The following DDX6 variants were observed in gnomAD, a reference collection of about 807,000 sequenced individuals.
The protein encoded by DDX6 is probable ATP-dependent RNA helicase DDX6.
A neutral mutation model predicts 60.6 loss-of-function variants in DDX6; 7 were observed. That is an observed-to-expected ratio of 0.12 (90% CI 0.07 to 0.22). DDX6 has a LOEUF of 0.22. Among genes scored for constraint, DDX6 ranks in the 10% least tolerant of loss-of-function variants. The pLI is 1.00. For missense variants in DDX6, 270 were observed against 589.9 expected (o/e 0.46, Z 5.62); for synonymous variants, 207 against 201.0 (o/e 1.03, Z -0.25).
At chr11:118,765,041 T>C (rs1169051125) in intron 6 of DDX6, among the ~76,000 whole-genome samples, 168 bp downstream of exon 6, 1 of 152,186 alleles carries the variant, frequency 6.6e-6, no homozygotes, top group African/African-American at 2.4e-5. Context: ...CAAATATCGT[T>C]TTCAATTATG....
chr11:118,771,553 G>T (rs1235005514), intron 4 of DDX6, among the ~76,000 whole-genome samples: 1 of 152,186 alleles, frequency 6.6e-6, no homozygotes, highest in Non-Finnish European at 1.5e-5. Context: ...AAAAGCAAGA[G>T]AATTCAAGTC....
chr11:118,761,861 G>GAA (rs11296874), intron 7 of DDX6, among the ~76,000 whole-genome samples: 26,487 of 133,670 alleles, frequency 0.2, 2,672 homozygotes, highest in South Asian at 0.31. Context: ...AAATTAAATG[G>GAA]AAAAAAAAAA....
chr11:118,773,260 C>T (rs1861594142), intron 4 of DDX6, among the ~76,000 whole-genome samples: 1 of 152,032 alleles, frequency 6.6e-6, no homozygotes, highest in African/African-American at 2.4e-5. Flanking sequence ...CCTTAATTTC[C>T]AAGAGGGAAA....
chr11:118,761,598 C>T (rs1555160162), intron 7 of DDX6, among the ~76,000 whole-genome samples: 3 of 150,908 alleles, frequency 2.0e-5, no homozygotes, highest in Non-Finnish European at 4.4e-5. Flanking sequence ...AGCGGGGCAA[C>T]GAGACTCTGT....
rs1227619414 is a variant in DDX6, at chr11:118,786,315, A to G, written c.-64T>C. 20 of 1,403,838 alleles carry G rather than the reference A, an allele frequency of 1.4e-5. No homozygotes were observed. The highest frequency in any genetic ancestry group is 6.9e-5 in the East Asian group (3 of 43,418). 87.0% of individuals were successfully genotyped at this position (1,403,838 alleles called of 1,614,324 possible). ...TTTGAAAGTCAGTAGAGAAACTGTA[A>G]TAACAGTTTATTAGGCTCTCCAAAA... On this transcript the variant is annotated 5_prime_UTR_variant, in exon 2 of 14. Coordinates refer to ENST00000534980, the MANE Select transcript of DDX6 (RefSeq NM_004397.6).
At chr11:118,771,623 A>G (rs1400123315) in intron 4 of DDX6, among the ~76,000 whole-genome samples, 3 of 152,236 alleles carry the variant, frequency 2.0e-5, no homozygotes, top group African/African-American at 7.2e-5. Context: ...GGAGAAGGCA[A>G]AGGAGGAAGG....
At chr11:118,766,873 C>T (rs1387847908) in intron 5 of DDX6, among the ~76,000 whole-genome samples, 1 of 148,816 alleles carries the variant, frequency 6.7e-6, no homozygotes, top group South Asian at 2.2e-4. Context: ...GTCACTGCAC[C>T]TGGCCTTCTG....
intron 4 of DDX6, among the ~76,000 whole-genome samples, chr11:118,773,426 G>A (rs1861600243): frequency 1.3e-5 from 2 of 152,044 alleles, no homozygotes; most frequent in Non-Finnish European, 2.9e-5. Flanking sequence ...AAAAAAATTA[G>A]CCGGGCGTGG....
At chr11:118,787,153 T>G (rs1273732284) in intron 1 of DDX6, 1 of 152,090 alleles carries the variant, frequency 6.6e-6, no homozygotes, top group African/African-American at 2.4e-5. Flanking sequence ...CTGGACAACA[T>G]AGCGAAACCC....
chr11:118,783,527 G>C (rs1324504875), intron 2 of DDX6, among the ~76,000 whole-genome samples: 1 of 152,198 alleles, frequency 6.6e-6, no homozygotes, highest in Non-Finnish European at 1.5e-5. Context: ...CATAGGCCAG[G>C]TGCAGTGGCT....
chr11:118,753,202 G>T (rs565561771), intron 13 of DDX6, among the ~76,000 whole-genome samples: 97 of 151,408 alleles, frequency 6.4e-4, no homozygotes, highest in Admixed American at 1.4e-3. Flanking sequence ...CTAATTTTCT[G>T]TATCTTTAGT....
intron 6 of DDX6, among the ~76,000 whole-genome samples, chr11:118,763,852 A>AAAAAAAAAAAAG (rs1555160808): frequency 6.8e-6 from 1 of 146,340 alleles, no homozygotes; most frequent in South Asian, 2.2e-4. Flanking sequence ...AAAAAAAAAA[A>AAAAAAAAAAAAG]AAAGAAAGAA....
chr11:118,786,373 T>G lies in DDX6; in HGVS notation c.-122A>C. The G allele has an allele frequency of 8.6e-6, 7 of 809,354 alleles. No individual in the cohort carries two copies. Among genetic ancestry groups the G allele is most frequent in the Non-Finnish European group, 1.1e-5 (6 of 536,384 alleles). 50.1% of individuals were successfully genotyped at this position (809,354 alleles called of 1,614,324 possible). A position where few individuals can be genotyped will look rare whatever the true frequency, so the allele number is the denominator to read the frequency against. On this transcript the variant is annotated 5_prime_UTR_variant, in exon 2 of 14. Coordinates refer to ENST00000534980, the MANE Select transcript of DDX6 (RefSeq NM_004397.6). The stretch of plus-strand genomic sequence containing the variant: ...ATAAATATAAGTCTTGCTCAATAAA[T>G]GAGTCCTTTATTGCAATGCAGGCAA...
intron 1 of DDX6, among the ~76,000 whole-genome samples, chr11:118,790,700 C>T (rs777285587): frequency 4.3e-4 from 65 of 152,258 alleles, no homozygotes; most frequent in Non-Finnish European, 9.1e-4. Flanking sequence ...CTATATTCGC[C>T]TCCTCTCAGG....
At chr11:118,765,876 G>C (rs1479689026) in intron 5 of DDX6, among the ~76,000 whole-genome samples, 1 of 152,108 alleles carries the variant, frequency 6.6e-6, no homozygotes, top group African/African-American at 2.4e-5. Flanking sequence ...CCTGAGGCCG[G>C]GAGTTTGAGA....
rs188314414 is a variant in DDX6, at chr11:118,764,098, G to C, written c.647-792C>G. Among the ~76,000 whole-genome samples the C allele has an allele frequency of 1.4e-3, 215 of 152,184 alleles. 2 individuals carry two copies. Among genetic ancestry groups the C allele is most frequent in the African/African-American group, 5.0e-3 (208 of 41,526 alleles). ...AAGGCACACCAGACTTCTGACATAA[G>C]AGCAATGCCTCTAATCTAGAGCAGT... On this transcript the variant is annotated intron_variant, in intron 6 of 13. Coordinates refer to ENST00000534980, the MANE Select transcript of DDX6 (RefSeq NM_004397.6).
At chr11:118,774,674 T>C (rs907535708) in intron 4 of DDX6, among the ~76,000 whole-genome samples, 2 of 152,084 alleles carry the variant, frequency 1.3e-5, no homozygotes, top group Non-Finnish European at 2.9e-5. Flanking sequence ...TCCACCCACC[T>C]TGGCTTCCCA....
upstream of DDX6, chr11:118,791,388 G>A (rs748687314): frequency 6.6e-6 from 1 of 151,988 alleles, no homozygotes; most frequent in Non-Finnish European, 1.5e-5. Flanking sequence ...CTCTCACACC[G>A]ACGAGAAAAG....
chr11:118,772,307 A>G (rs1314076516), intron 4 of DDX6, among the ~76,000 whole-genome samples: 3 of 152,214 alleles, frequency 2.0e-5, no homozygotes, highest in African/African-American at 7.2e-5. Flanking sequence ...ATACAATAAA[A>G]TATTATTCAG....
Sources: allele counts gnomAD v4.1 joint callset (sites outside exome capture counted in the v4.1 genomes callset), GRCh38; gene constraint gnomAD v4.1.1; transcripts MANE v1.5; gene names NCBI Gene and HGNC (gene_info 2026-07-23, HGNC 2026-07-21).